ANO6: variants seen among roughly 807,000 people sequenced by gnomAD.
ANO6 encodes the protein anoctamin-6.
Under a neutral mutation model 117.5 loss-of-function variants are expected in ANO6, and 106 were observed. The observed-to-expected ratio is 0.90, with a 90% CI of 0.77 to 1.06. ANO6 has a LOEUF of 1.06. Ranked by LOEUF, ANO6 falls within the 50% of genes least tolerant of loss-of-function variation. The pLI is 0.00. For missense variants in ANO6, 955 were observed against 1,121.1 expected, an observed-to-expected ratio of 0.85 and a Z score of 2.12; for synonymous variants, 367 against 385.1, an observed-to-expected ratio of 0.95 and a Z score of 0.55.
chr12:45,392,663 G>A (rs535764301), intron 12 of ANO6, among the ~76,000 whole-genome samples: 1 of 152,306 alleles, frequency 6.6e-6, no homozygotes, highest in East Asian at 1.9e-4. Flanking sequence ...GAAGGATCAG[G>A]CAGCAATATT....
At chr12:45,295,157 G>T (rs1464925845) in intron 1 of ANO6, among the ~76,000 whole-genome samples, 2 of 152,228 alleles carry the variant, frequency 1.3e-5, no homozygotes, top group Non-Finnish European at 2.9e-5. Context: ...GCTCTTGAAA[G>T]CTACGCTTTT....
At chr12:45,297,683 T>A (rs1394735941) in intron 1 of ANO6, among the ~76,000 whole-genome samples, 3 of 152,206 alleles carry the variant, frequency 2.0e-5, no homozygotes, top group Non-Finnish European at 4.4e-5. Context: ...ACTTTATTGC[T>A]TCAATTTCAC....
intron 11 of ANO6, among the ~76,000 whole-genome samples, chr12:45,389,689 G>T (rs1030748778): frequency 9.9e-5 from 15 of 152,204 alleles, no homozygotes; most frequent in African/African-American, 3.1e-4. Flanking sequence ...TCTGACCACA[G>T]CAACTTACTA....
intron 9 of ANO6, among the ~76,000 whole-genome samples, chr12:45,377,343 T>C (rs1942055629): frequency 6.6e-6 from 1 of 152,158 alleles, no homozygotes; most frequent in African/African-American, 2.4e-5. Flanking sequence ...ATAGGCTACA[T>C]ATATAATAGC....
At chr12:45,394,293 G>A (rs1488746225) in intron 12 of ANO6, among the ~76,000 whole-genome samples, 1 of 152,138 alleles carries the variant, frequency 6.6e-6, no homozygotes, top group Non-Finnish European at 1.5e-5. Flanking sequence ...AACAAGAAGA[G>A]CTAAGAATCC....
intron 12 of ANO6, among the ~76,000 whole-genome samples, chr12:45,391,897 A>G (rs1358402609): frequency 2.0e-5 from 3 of 152,188 alleles, no homozygotes; most frequent in Non-Finnish European, 4.4e-5. Context: ...AGATGGCCAA[A>G]TAGGAACAGC....
intron 1 of ANO6, among the ~76,000 whole-genome samples, chr12:45,274,500 A>C (rs889071477): frequency 4.0e-5 from 6 of 151,898 alleles, no homozygotes; most frequent in Admixed American, 3.9e-4. Flanking sequence ...GCCCACACCT[A>C]AATCGGAGCC....
intron 7 of ANO6, among the ~76,000 whole-genome samples, chr12:45,356,424 A>G (rs1427328012): frequency 6.6e-6 from 1 of 152,174 alleles, no homozygotes. Flanking sequence ...CTGCATATAT[A>G]TTTTGACTCC....
chr12:45,218,390 C>CTTTTTTTTTTTTT (rs76855973), intron 1 of ANO6, among the ~76,000 whole-genome samples: 2 of 110,134 alleles, frequency 1.8e-5, no homozygotes, highest in Non-Finnish European at 3.6e-5. Context: ...CTTTCTTTCT[C>CTTTTTTTTTTTTT]TTTTTTTTTT....
chr12:45,425,872 G>A (rs962848777), intron 19 of ANO6, among the ~76,000 whole-genome samples: 2 of 152,220 alleles, frequency 1.3e-5, no homozygotes, highest in African/African-American at 4.8e-5. Context: ...TTTCTAAGAT[G>A]TGTAAAGTGA....
At chr12:45,370,167 C>T (rs1941787062) in intron 9 of ANO6, among the ~76,000 whole-genome samples, 1 of 152,362 alleles carries the variant, frequency 6.6e-6, no homozygotes, top group African/African-American at 2.4e-5. Flanking sequence ...GCTTCTTACC[C>T]AGTAAGCTCC....
intron 1 of ANO6, among the ~76,000 whole-genome samples, chr12:45,239,906 G>A (rs1339369765): frequency 6.6e-6 from 1 of 152,134 alleles, no homozygotes; most frequent in Non-Finnish European, 1.5e-5. Context: ...TGTGATTTCT[G>A]TTCTTCTACA....
At chr12:45,344,046 T>C (rs1941059943) in intron 3 of ANO6, among the ~76,000 whole-genome samples, 1 of 152,174 alleles carries the variant, frequency 6.6e-6, no homozygotes, top group South Asian at 2.1e-4. Context: ...CTATAATGGA[T>C]GTGGGCTCTT....
At chr12:45,368,722 T>G (rs542518060) in intron 9 of ANO6, among the ~76,000 whole-genome samples, 1 of 152,298 alleles carries the variant, frequency 6.6e-6, no homozygotes, top group African/African-American at 2.4e-5. Context: ...TGTTCTACCA[T>G]GAGAGTTTAG....
At chr12:45,261,970 A>G (rs1401266574) in intron 1 of ANO6, among the ~76,000 whole-genome samples, 3 of 152,258 alleles carry the variant, frequency 2.0e-5, no homozygotes, top group African/African-American at 4.8e-5. Context: ...GTATACAAGT[A>G]TAATACATCA....
intron 3 of ANO6, among the ~76,000 whole-genome samples, chr12:45,342,973 T>A (rs1204140978): frequency 1.3e-5 from 2 of 152,084 alleles, no homozygotes; most frequent in African/African-American, 4.8e-5. Context: ...GGTGCCCAAC[T>A]ACTGATAGGT....
chr12:45,220,141 C>T (rs773616649), intron 1 of ANO6, among the ~76,000 whole-genome samples: 1 of 152,128 alleles, frequency 6.6e-6, no homozygotes, highest in East Asian at 1.9e-4. Flanking sequence ...ATTCTGTTCT[C>T]TGTGGTCAAG....
rs149321915 is a variant in ANO6, at chr12:45,265,564, A to G, written c.71-36450A>G. 1.6e-3 allele frequency among the ~76,000 whole-genome samples: 245 copies of G among 152,296 alleles called. 2 individuals carry two copies. Among genetic ancestry groups the G allele is most frequent in the Middle Eastern group, 0.014 (4 of 294 alleles). ...TTTAATATTCACAGCAGCCCTATGAACAGAGGTAGTATGATGCCTATTTTA... is the reference window on the plus strand; with the variant it reads ...TTTAATATTCACAGCAGCCCTATGAGCAGAGGTAGTATGATGCCTATTTTA... On this transcript the variant is annotated intron_variant, in intron 1 of 19. Coordinates refer to ENST00000320560, the MANE Select transcript of ANO6 (RefSeq NM_001025356.3).
At chr12:45,306,943 G>C (rs929349760) in intron 2 of ANO6, among the ~76,000 whole-genome samples, 2 of 152,092 alleles carry the variant, frequency 1.3e-5, no homozygotes, top group Non-Finnish European at 2.9e-5. Context: ...TGGAAATCTG[G>C]AGGAAGAGCA....
Sources: allele counts gnomAD v4.1 joint callset (sites outside exome capture counted in the v4.1 genomes callset), GRCh38; gene constraint gnomAD v4.1.1; transcripts MANE v1.5; gene names NCBI Gene and HGNC (gene_info 2026-07-23, HGNC 2026-07-21).